The following SGCD variants were observed in gnomAD, a reference collection of about 807,000 sequenced individuals.
SGCD encodes delta-sarcoglycan.
SGCD carries 18 observed loss-of-function variants against 36.6 expected under a neutral mutation model. The ratio of observed to expected loss-of-function variants is 0.49; its 90% CI spans 0.34 to 0.73. The LOEUF (loss-of-function observed/expected upper bound fraction) is 0.73, where lower values mean the gene tolerates loss of function less well. Ranked by LOEUF, SGCD falls within the 30% of genes least tolerant of loss-of-function variation. The pLI is 0.01. For missense variants in SGCD, 387 were observed against 346.7 expected, an observed-to-expected ratio of 1.12 and a Z score of -0.92; for synonymous variants, 133 against 130.6, an observed-to-expected ratio of 1.02 and a Z score of -0.12.
At chr5:156,411,286 A>G (rs1326748526) in intron 3 of SGCD, among the ~76,000 whole-genome samples, 1 of 152,190 alleles carries the variant, frequency 6.6e-6, no homozygotes, top group East Asian at 1.9e-4. Flanking sequence ...CTTTGCAGAA[A>G]TTAGCTCATG....
chr5:155,772,514 A>G, the SGCD span, among the ~76,000 whole-genome samples: 1 of 152,278 alleles, frequency 6.6e-6, no homozygotes, highest in Middle Eastern at 3.4e-3. Flanking sequence ...GTCCAGATCT[A>G]GAATCCCTGC....
chr5:155,836,209 G>T, the SGCD span, among the ~76,000 whole-genome samples: 3 of 152,090 alleles, frequency 2.0e-5, no homozygotes, highest in Non-Finnish European at 4.4e-5. Context: ...CCTCCATGGG[G>T]TCTGTCCACC....
chr5:156,660,289 C>T (rs374062038), intron 7 of SGCD, among the ~76,000 whole-genome samples: 18,609 of 127,858 alleles, frequency 0.15, 9 homozygotes, highest in African/African-American at 0.26. Context: ...ATCCCTTCTT[C>T]CTCAGGTTTG....
chr5:156,379,323 T>C (rs1482837983), intron 3 of SGCD, among the ~76,000 whole-genome samples: 1 of 152,158 alleles, frequency 6.6e-6, no homozygotes, highest in Non-Finnish European at 1.5e-5. Context: ...AAGCCTCACA[T>C]AGGATACTGA....
At chr5:156,067,906 C>A (rs933429598) in intron 1 of SGCD, among the ~76,000 whole-genome samples, 3 of 128,880 alleles carry the variant, frequency 2.3e-5, no homozygotes, top group Non-Finnish European at 4.5e-5. Context: ...TCTTCTGCGT[C>A]GCTCACGCTG....
intron 3 of SGCD, among the ~76,000 whole-genome samples, chr5:156,425,148 G>C (rs941203436): frequency 6.6e-6 from 1 of 151,978 alleles, no homozygotes; most frequent in African/African-American, 2.4e-5. Flanking sequence ...GGCCCAATAC[G>C]TTAACTCTTT....
intron 3 of SGCD, among the ~76,000 whole-genome samples, chr5:156,135,076 A>G (rs751331584): frequency 6.6e-6 from 1 of 152,142 alleles, no homozygotes; most frequent in African/African-American, 2.4e-5. Context: ...CTAGTTCCCA[A>G]CTCTGCATAG....
At chr5:156,154,315 C>A (rs1762897683) in intron 3 of SGCD, among the ~76,000 whole-genome samples, 1 of 151,686 alleles carries the variant, frequency 6.6e-6, no homozygotes, top group African/African-American at 2.4e-5. Flanking sequence ...CTCTTCCACT[C>A]TCTCTTAGAT....
At chr5:155,823,062 A>ATATCTATCTATCTATC in the SGCD span, among the ~76,000 whole-genome samples, 1,032 of 145,274 alleles carry the variant, frequency 7.1e-3, 8 homozygotes, top group Admixed American at 0.015. Flanking sequence ...CTATATCTCT[A>ATATCTATCTATCTATC]TATCTATCTA....
intron 3 of SGCD, among the ~76,000 whole-genome samples, chr5:156,288,501 C>T (rs987751035): frequency 5.9e-5 from 9 of 152,092 alleles, no homozygotes; most frequent in African/African-American, 1.7e-4. Flanking sequence ...GAGCATCCAT[C>T]GTCGTGTTCA....
At chr5:156,189,035 T>C (rs886590845) in intron 3 of SGCD, among the ~76,000 whole-genome samples, 2 of 152,148 alleles carry the variant, frequency 1.3e-5, no homozygotes, top group African/African-American at 4.8e-5. Flanking sequence ...TAATCTGACT[T>C]TTAGGAGTTG....
intron 3 of SGCD, among the ~76,000 whole-genome samples, chr5:156,396,134 C>T (rs778206284): frequency 2.6e-5 from 4 of 152,164 alleles, no homozygotes; most frequent in African/African-American, 7.2e-5. Context: ...CACACTCTCC[C>T]CACCACTGCA....
chr5:156,329,473 C>T (rs748831962), intron 1 of SGCD, 61 bp from the exon 2 acceptor site: 9 of 1,170,198 alleles, frequency 7.7e-6, no homozygotes, highest in Non-Finnish European at 1.1e-5. Context: ...TTCAGATTTC[C>T]TAGGCAAGGA....
Position 155,879,198 on chromosome 5 carries a change from G to A in SGCD, c.-282+8774G>A, listed in dbSNP as rs150730732. Among the ~76,000 whole-genome samples, 3 of 152,206 alleles carry A rather than the reference G, an allele frequency of 2.0e-5. No individual in the cohort carries two copies. The East Asian group carries it at 5.8e-4, about 29-fold the overall frequency. On this transcript the variant is annotated intron_variant, in intron 1 of 9. Transcript: ENST00000517913. The stretch of plus-strand genomic sequence containing the variant: ...AAAACCTATGAACTTTTCATTCTAA[G>A]CATCAAATGTCCTATTCCTTGTAAA...
In SGCD at chr5:156,766,428, G is replaced by C. The variant is rs1757588759; in HGVS notation, c.*7038G>C. 1 of 151,464 alleles carries C rather than the reference G, an allele frequency of 6.6e-6. No individual in the cohort carries two copies. The highest frequency in any genetic ancestry group is 1.5e-5 in the Non-Finnish European group (1 of 67,988). 9.4% of individuals were successfully genotyped at this position (151,464 alleles called of 1,614,324 possible). A position where few individuals can be genotyped will look rare whatever the true frequency, so the allele number is the denominator to read the frequency against. Reference sequence around the variant, plus strand: ...CACACCTTGGCAGCCATCATTAATGGGCCATACCCTTCCCCAGGTGCAGAA... The same window carrying C: ...CACACCTTGGCAGCCATCATTAATGCGCCATACCCTTCCCCAGGTGCAGAA... On this transcript the variant is annotated 3_prime_UTR_variant, in exon 9 of 9. Coordinates refer to ENST00000337851, the MANE Select transcript of SGCD (RefSeq NM_000337.6).
chr5:155,845,773 C>T, the SGCD span, among the ~76,000 whole-genome samples: 1 of 152,272 alleles, frequency 6.6e-6, no homozygotes, highest in East Asian at 1.9e-4. Flanking sequence ...CTAGGAGTCT[C>T]TGGCAAAACT....
intron 3 of SGCD, among the ~76,000 whole-genome samples, chr5:156,244,865 A>T (rs1201312294): frequency 6.6e-6 from 1 of 152,202 alleles, no homozygotes; most frequent in East Asian, 1.9e-4. Flanking sequence ...CAGATTCAAC[A>T]ATTAGCAACA....
At chr5:155,835,933 T>C in the SGCD span, among the ~76,000 whole-genome samples, 2 of 152,210 alleles carry the variant, frequency 1.3e-5, no homozygotes, top group Admixed American at 1.3e-4. Context: ...GTATCCACTC[T>C]TATAGCCTAC....
chr5:156,349,838 C>A (rs1182802498), intron 3 of SGCD, among the ~76,000 whole-genome samples: 4 of 151,966 alleles, frequency 2.6e-5, no homozygotes, highest in African/African-American at 7.2e-5. Flanking sequence ...GATATGGAAC[C>A]AACCTAAGTC....
Sources: allele counts gnomAD v4.1 joint callset (sites outside exome capture counted in the v4.1 genomes callset), GRCh38; gene constraint gnomAD v4.1.1; transcripts MANE v1.5; gene names NCBI Gene and HGNC (gene_info 2026-07-23, HGNC 2026-07-21).